Variants in SOS1 observed in about 807,000 individuals in gnomAD.
The protein encoded by SOS1 is son of sevenless homolog 1.
Under a neutral mutation model 157.6 loss-of-function variants are expected in SOS1, and 25 were observed. The ratio of observed to expected loss-of-function variants is 0.16; its 90% CI spans 0.12 to 0.22. The LOEUF (loss-of-function observed/expected upper bound fraction) is 0.22. Among genes scored for constraint, SOS1 ranks in the 10% least tolerant of loss-of-function variants. The pLI, the probability that SOS1 is intolerant of heterozygous loss-of-function variation, is 1.00. For missense variants in SOS1, 1,237 were observed against 1,599.1 expected, an observed-to-expected ratio of 0.77 and a Z score of 3.86; for synonymous variants, 528 against 534.0, an observed-to-expected ratio of 0.99 and a Z score of 0.16.
intron 1 of SOS1, among the ~76,000 whole-genome samples, chr2:39,116,479 T>A (rs1331862041): frequency 2.0e-5 from 3 of 152,234 alleles, no homozygotes; most frequent in Non-Finnish European, 4.4e-5. Flanking sequence ...GGCTTCTAAC[T>A]TTTCTCCTCA....
At chr2:39,073,941 T>A (rs1388903214) in intron 1 of SOS1, among the ~76,000 whole-genome samples, 2 of 152,248 alleles carry the variant, frequency 1.3e-5, no homozygotes, top group African/African-American at 4.8e-5. Flanking sequence ...AAGATCGGAA[T>A]AATCAAATCT....
Position 39,012,039 on chromosome 2 carries a change from A to T in SOS1, c.2390+87T>A, listed in dbSNP as rs1023132432. ...TGTAATATTTCAGTTAAGTCTTATG[A>T]AAACCCTATAAGGCAGAAATCAGTA... On this transcript the variant is annotated intron_variant, in intron 14 of 22. Coordinates refer to ENST00000402219, the MANE Select transcript of SOS1 (RefSeq NM_005633.4). 3 of 1,004,246 alleles carry T rather than the reference A, an allele frequency of 3.0e-6. No individual in the cohort carries two copies. The Admixed American group carries it at 5.2e-5, about 17-fold the overall frequency. The allele number at this position is 1,004,246 out of a possible 1,614,324, so 62.2% of individuals were successfully genotyped here. A position where few individuals can be genotyped will look rare whatever the true frequency, so the allele number is the denominator to read the frequency against.
In SOS1 at chr2:38,986,089, T is replaced by A; in HGVS notation, c.3737A>T (p.Asn1246Ile). The stretch of plus-strand genomic sequence containing the variant: ...GGAAGGGCTGTTTGGGAAGAAGGCA[T>A]TGCCATGGTCACTTTTTTTGCCCAA... ...PPLGKKSDHG[N>I]AFFPNSPSPF... is the part of the protein sequence containing the mutation. The change falls in exon 23 of 23, where the codon AAT becomes ATT. Residue 1246 changes from asparagine (N) to isoleucine (I), a missense_variant. Coordinates refer to ENST00000402219, the MANE Select transcript of SOS1 (RefSeq NM_005633.4). 1 of 1,613,850 alleles carries A rather than the reference T, an allele frequency of 6.2e-7. No individual in the cohort carries two copies. The highest frequency in any genetic ancestry group is 1.3e-5 in the African/African-American group (1 of 74,976).
At chr2:39,023,348 C>T (rs1669857403) in intron 9 of SOS1, 123 bp from the exon 10 acceptor site, 1 of 654,276 alleles carries the variant, frequency 1.5e-6, no homozygotes, top group Admixed American at 3.2e-5. Flanking sequence ...CACTAATTCC[C>T]CAAATAGATT....
intron 1 of SOS1, among the ~76,000 whole-genome samples, chr2:39,077,394 C>A (rs1672046428): frequency 6.6e-6 from 1 of 151,578 alleles, no homozygotes; most frequent in Non-Finnish European, 1.5e-5. Context: ...TTTAGAAGAC[C>A]TTAAATAGTA....
intron 1 of SOS1, among the ~76,000 whole-genome samples, chr2:39,073,265 T>A (rs988261760): frequency 6.6e-6 from 1 of 152,224 alleles, no homozygotes; most frequent in Admixed American, 6.5e-5. Flanking sequence ...TAAATAAGCA[T>A]TTCAAATTGG....
intron 1 of SOS1, among the ~76,000 whole-genome samples, chr2:39,116,075 T>G (rs761696701): frequency 1.7e-4 from 26 of 152,260 alleles, no homozygotes. Context: ...TAAGTCTTTG[T>G]AGAGGCTTCA....
intron 1 of SOS1, among the ~76,000 whole-genome samples, chr2:39,099,238 A>C (rs925580975): frequency 6.6e-6 from 1 of 152,248 alleles, no homozygotes; most frequent in Admixed American, 6.5e-5. Flanking sequence ...AAAATGTAGT[A>C]TACATCAATG....
chr2:39,093,918 G>A (rs1241358699), intron 1 of SOS1, among the ~76,000 whole-genome samples: 1 of 152,174 alleles, frequency 6.6e-6, no homozygotes. Flanking sequence ...TGTGGGGTTT[G>A]ACATTAAAGA....
At chr2:39,105,568 G>T (rs1572895862) in intron 1 of SOS1, among the ~76,000 whole-genome samples, 1 of 152,006 alleles carries the variant, frequency 6.6e-6, no homozygotes, top group East Asian at 1.9e-4. Context: ...ATCCATGCTT[G>T]CCATACAAAT....
rs116952907 is a variant in SOS1 at position 39,115,615 on chromosome 2, T to C, written c.87+4721A>G. On this transcript the variant is annotated intron_variant, in intron 1 of 22. Transcript: ENST00000402219. ...AATGTTTTGGCTAATTTTTTAAGTT[T>C]TTTGTAGAGACAGGGTTTCATTATG... 1.1e-3 allele frequency among the ~76,000 whole-genome samples: 168 copies of C among 152,082 alleles called. 2 individuals are homozygous for C. In the East Asian group the frequency reaches 0.03, roughly 27 times the overall value.
rs730880218 is a variant in SOS1, at chr2:39,023,076, G to T, written c.1352C>A (p.Thr451Lys). The T allele has an allele frequency of 2.5e-6, 4 of 1,613,668 alleles. No homozygotes were observed. Among genetic ancestry groups the T allele is most frequent in the South Asian group, 2.2e-5 (2 of 91,062 alleles). ...CNEFIMEGTLTRVGAKHERHI... is the reference protein window; with the variant it reads ...CNEFIMEGTLKRVGAKHERHI... ...TCTCTCATGTTTGGCTCCTACACGT[G>T]TAAGAGTTCCTTCCATTATAAATTC... Residue 451 changes from threonine (T) to lysine (K), a missense_variant, in exon 10 of 23, where the codon ACA becomes AAA. This residue lies in a region of SOS1 where 210 missense variants were observed against 220.2 expected (regional missense o/e 0.95). Transcript: ENST00000402219.
chr2:38,991,703 T>A (rs116074552), intron 20 of SOS1, among the ~76,000 whole-genome samples: 1 of 152,192 alleles, frequency 6.6e-6, no homozygotes, highest in Non-Finnish European at 1.5e-5. Context: ...CATTCTGAGG[T>A]CATCTTTCTA....
chr2:39,022,218 G>A (rs1390698336), intron 10 of SOS1, among the ~76,000 whole-genome samples: 2 of 151,192 alleles, frequency 1.3e-5, no homozygotes, highest in African/African-American at 2.4e-5. Context: ...TCTCAGAAAT[G>A]GAAAAAGAAG....
At chr2:39,004,555 A>G (rs1034310053) in intron 17 of SOS1, among the ~76,000 whole-genome samples, 2 of 152,104 alleles carry the variant, frequency 1.3e-5, no homozygotes, top group Non-Finnish European at 2.9e-5. Context: ...TCAGTTTGAT[A>G]TTAGAGTTAA....
At chr2:39,005,134 G>C (rs6544187) in intron 17 of SOS1, among the ~76,000 whole-genome samples, 143,477 of 152,286 alleles carry the variant, frequency 0.94, 67,684 homozygotes, top group African/African-American at 0.98. Context: ...ACATACATAC[G>C]TATGAGCTTA....
chr2:39,121,412 A>G (rs1026387168), upstream of SOS1, among the ~76,000 whole-genome samples: 3 of 152,256 alleles, frequency 2.0e-5, no homozygotes, highest in African/African-American at 7.2e-5. Flanking sequence ...TATAGTAAAC[A>G]GACTGGACAA....
At chr2:39,111,159 G>A (rs1394864329) in intron 1 of SOS1, among the ~76,000 whole-genome samples, 1 of 152,204 alleles carries the variant, frequency 6.6e-6, no homozygotes, top group Non-Finnish European at 1.5e-5. Context: ...CTTGAACCCA[G>A]GAGGCGGAGG....
intron 1 of SOS1, among the ~76,000 whole-genome samples, chr2:39,071,254 G>A (rs1572870498): frequency 6.6e-6 from 1 of 152,074 alleles, no homozygotes; most frequent in Non-Finnish European, 1.5e-5. Flanking sequence ...TTGAACCTGG[G>A]CCTCCTGCCT....
Sources: allele counts gnomAD v4.1 joint callset (sites outside exome capture counted in the v4.1 genomes callset), GRCh38; gene constraint gnomAD v4.1.1; regional missense constraint gnomAD v4.1.1; transcripts MANE v1.5; gene names NCBI Gene and HGNC (gene_info 2026-07-23, HGNC 2026-07-21).